VRK2: variants seen among roughly 807,000 people sequenced by gnomAD.
VRK2 encodes serine/threonine-protein kinase VRK2.
In VRK2, 60 loss-of-function variants were observed where a neutral mutation model predicts 57.6. The ratio of observed to expected loss-of-function variants is 1.04; its 90% confidence interval spans 0.85 to 1.29. The LOEUF is 1.29. VRK2 is among the 50% of genes most tolerant of loss of function. The pLI is 0.00. For synonymous variants in VRK2, 231 were observed against 199.2 expected, an observed-to-expected ratio of 1.16 and a Z score of -1.35; for missense variants, 705 against 588.1, an observed-to-expected ratio of 1.20 and a Z score of -2.06.
intron 12 of VRK2, chr2:58,154,874 C>CA: frequency 1.6e-6 from 1 of 615,848 alleles, no homozygotes; most frequent in Non-Finnish European, 3.0e-6. Context: ...TTATACATTT[C>CA]AATTTTGTTC....
intron 1 of VRK2, among the ~76,000 whole-genome samples, chr2:57,960,138 G>A (rs867079200): frequency 1.4e-4 from 22 of 152,048 alleles, no homozygotes; most frequent in African/African-American, 5.1e-4. Context: ...AAATGCTTCC[G>A]TGCCCCTGTG....
chr2:58,003,616 G>C (rs1318149014), intron 1 of VRK2, among the ~76,000 whole-genome samples: 5 of 152,024 alleles, frequency 3.3e-5, no homozygotes, highest in Non-Finnish European at 4.4e-5. Context: ...TATAAAATTA[G>C]TTTATCTGAA....
At chr2:58,050,480 T>G (rs777720594) in intron 2 of VRK2, among the ~76,000 whole-genome samples, 12 of 152,208 alleles carry the variant, frequency 7.9e-5, no homozygotes. Context: ...GGTTGAGATA[T>G]AGTGTTGAAT....
chr2:57,912,548 G>C (rs1314457682), intron 1 of VRK2, among the ~76,000 whole-genome samples: 3 of 152,150 alleles, frequency 2.0e-5, no homozygotes, highest in Non-Finnish European at 2.9e-5. Flanking sequence ...ACCCAGCTCA[G>C]AAACAGAGAG....
intron 7 of VRK2, among the ~76,000 whole-genome samples, chr2:58,122,087 A>T (rs956521448): frequency 5.3e-5 from 8 of 152,202 alleles, no homozygotes; most frequent in African/African-American, 1.7e-4. Flanking sequence ...AACAGTGATA[A>T]TATGGATTCA....
chr2:58,022,554 G>A (rs757226357), intron 1 of VRK2, among the ~76,000 whole-genome samples: 7 of 152,170 alleles, frequency 4.6e-5, no homozygotes, highest in Non-Finnish European at 2.9e-5. Flanking sequence ...CTGTGATGGT[G>A]TCACAAAACG....
intron 2 of VRK2, among the ~76,000 whole-genome samples, chr2:58,077,033 T>C (rs1558603171): frequency 6.6e-6 from 1 of 152,046 alleles, no homozygotes; most frequent in Non-Finnish European, 1.5e-5. Flanking sequence ...ATTAAAATTT[T>C]GCCAGTTCTC....
At chr2:58,068,935 G>T (rs1454644108) in intron 2 of VRK2, among the ~76,000 whole-genome samples, 1 of 151,454 alleles carries the variant, frequency 6.6e-6, no homozygotes. Context: ...TTTCAAAAGT[G>T]TTTGTCTTTA....
chr2:58,010,165 G>C (rs1253652656), intron 1 of VRK2, among the ~76,000 whole-genome samples: 2 of 152,110 alleles, frequency 1.3e-5, no homozygotes, highest in Non-Finnish European at 2.9e-5. Flanking sequence ...TCTCAAATCA[G>C]ACTGTCTGGG....
chr2:57,986,596 A>ATTTTTTTTT (rs11452161), intron 1 of VRK2, among the ~76,000 whole-genome samples: 1 of 124,542 alleles, frequency 8.0e-6, no homozygotes, highest in African/African-American at 3.0e-5. Context: ...AGTTCAATCG[A>ATTTTTTTTT]TTTTTTTTTT....
chr2:57,912,533 G>A lies in VRK2; in HGVS notation c.-439+4694G>A, dbSNP rs530337722. Among the ~76,000 whole-genome samples, 49 of 152,188 alleles carry A rather than the reference G, an allele frequency of 3.2e-4. No homozygotes were observed. In the South Asian group the frequency reaches 1.0e-2, roughly 31 times the overall value. ...AGAAGAGCAGCTCATAAGCTCAGAG[G>A]CAAAACCCAGCTCAGAAACAGAGAG... On this transcript the variant is annotated intron_variant, in intron 1 of 15. Transcript: ENST00000417641.
chr2:57,913,550 C>T (rs1367659578), intron 1 of VRK2, among the ~76,000 whole-genome samples: 1 of 151,946 alleles, frequency 6.6e-6, no homozygotes, highest in Admixed American at 6.6e-5. Flanking sequence ...AGTTTTGTGG[C>T]CTAGCTAGAT....
intron 1 of VRK2, among the ~76,000 whole-genome samples, chr2:57,911,392 T>C (rs1669981179): frequency 6.6e-6 from 1 of 152,180 alleles, no homozygotes; most frequent in African/African-American, 2.4e-5. Context: ...AACATTGGCA[T>C]ATTGAAAGCC....
chr2:58,073,557 A>G (rs909040577), intron 2 of VRK2, among the ~76,000 whole-genome samples: 1 of 151,238 alleles, frequency 6.6e-6, no homozygotes, highest in African/African-American at 2.4e-5. Flanking sequence ...ATTATTTAAT[A>G]TCCCTCTTTA....
At chr2:58,056,215 T>C (rs1224690724) in intron 2 of VRK2, among the ~76,000 whole-genome samples, 1 of 152,176 alleles carries the variant, frequency 6.6e-6, no homozygotes, top group Non-Finnish European at 1.5e-5. Context: ...CTAATCGCCT[T>C]ATAGCCGTTG....
intron 5 of VRK2, among the ~76,000 whole-genome samples, chr2:58,087,135 C>A (rs1022639770): frequency 1.1e-4 from 17 of 152,048 alleles, no homozygotes; most frequent in Admixed American, 7.2e-4. Context: ...TTTATATTTA[C>A]CCTTTTGTGC....
At chr2:58,070,855 A>C (rs1390824895) in intron 2 of VRK2, among the ~76,000 whole-genome samples, 5 of 152,180 alleles carry the variant, frequency 3.3e-5, no homozygotes, top group Non-Finnish European at 7.4e-5. Context: ...ATTGTATACT[A>C]AGACTGTGTT....
intron 1 of VRK2, among the ~76,000 whole-genome samples, chr2:58,022,092 G>C (rs72949133): frequency 0.01 from 1,590 of 152,238 alleles, 43 homozygotes; most frequent in African/African-American, 0.037. Context: ...TTGGGTTTGG[G>C]TGGGTCATTT....
intron 7 of VRK2, among the ~76,000 whole-genome samples, chr2:58,096,690 T>G (rs998305138): frequency 6.6e-6 from 1 of 151,814 alleles, no homozygotes; most frequent in Non-Finnish European, 1.5e-5. Context: ...TTAATGAGAT[T>G]TTTTCTTTTT....
Sources: gnomAD v4.1 joint callset for allele counts (sites outside exome capture counted in the v4.1 genomes callset) on GRCh38, gnomAD v4.1.1 for gene constraint, MANE v1.5 for transcripts, NCBI Gene and HGNC (gene_info 2026-07-23, HGNC 2026-07-21) for gene names.